The following ABCB10 variants were observed in gnomAD, a reference collection of about 807,000 sequenced individuals.
The protein encoded by ABCB10 is ATP-binding cassette sub-family B member 10, mitochondrial.
ABCB10 carries 54 observed loss-of-function variants against 65.4 expected under a neutral mutation model. The observed-to-expected ratio is 0.83, with a 90% CI of 0.66 to 1.04. ABCB10 has a LOEUF of 1.04. Among genes scored for constraint, ABCB10 ranks in the 50% least tolerant of loss-of-function variants. The pLI is 0.00. For synonymous variants in ABCB10, 418 were observed against 406.5 expected (o/e 1.03, Z -0.34); for missense variants, 846 against 976.6 (o/e 0.87, Z 1.78).
At chr1:229,519,161 T>TG (rs576672431) in intron 11 of ABCB10, 295 of 264,588 alleles carry the variant, frequency 1.1e-3, no homozygotes, top group Admixed American at 2.2e-3. Flanking sequence ...AGAGGGTCCC[T>TG]GGGGGGGTGA....
chr1:229,558,118 G>T lies in ABCB10; in HGVS notation c.517+18C>A. On this transcript the variant is annotated intron_variant, in intron 1 of 12. Transcript: ENST00000344517. Reference sequence around the variant, plus strand: ...AAGGAGAGGCCCGGCGGAGGGAAGTGGCCGGGGAGGACCCTACCTGCCAGC... The same window carrying T: ...AAGGAGAGGCCCGGCGGAGGGAAGTTGCCGGGGAGGACCCTACCTGCCAGC... The T allele has an allele frequency of 7.3e-7, 1 of 1,363,564 alleles. No individual in the cohort carries two copies. The highest frequency in any genetic ancestry group is 9.4e-7 in the Non-Finnish European group (1 of 1,059,938). The allele number at this position is 1,363,564 out of a possible 1,614,324, so 84.5% of individuals were successfully genotyped here.
chr1:229,521,562 T>TA (rs779696259), intron 11 of ABCB10, 30 bp downstream of exon 11: 3 of 1,570,568 alleles, frequency 1.9e-6, no homozygotes, highest in South Asian at 1.2e-5. Context: ...ATCCCTAATT[T>TA]AAAAAACATC....
At chr1:229,532,643 G>A (rs538151257) in intron 6 of ABCB10, among the ~76,000 whole-genome samples, 31 of 151,818 alleles carry the variant, frequency 2.0e-4, no homozygotes, top group Non-Finnish European at 4.0e-4. Flanking sequence ...CACTTTGGGA[G>A]GCCAAGGTGG....
intron 3 of ABCB10, among the ~76,000 whole-genome samples, 179 bp from the exon 4 acceptor site, chr1:229,542,550 A>C (rs991884531): frequency 1.3e-5 from 2 of 151,576 alleles, no homozygotes; most frequent in African/African-American, 4.9e-5. Context: ...GGAATTTTTC[A>C]GACATCTTTA....
chr1:229,558,142 G>GAC lies in ABCB10; in HGVS notation c.510_511insGT (p.Leu171ValfsTer42). 1 of 1,409,934 alleles carries GAC rather than the reference G, an allele frequency of 7.1e-7. No homozygotes were observed. Among genetic ancestry groups the GAC allele is most frequent in the Non-Finnish European group, 9.2e-7 (1 of 1,085,424 alleles). The allele number at this position is 1,409,934 out of a possible 1,614,324, so 87.3% of individuals were successfully genotyped here. A position where few individuals can be genotyped will look rare whatever the true frequency, so the allele number is the denominator to read the frequency against. ...TGGCCGGGGAGGACCCTACCTGCCA[G>GAC]CCTCCGGCGCTCAGGGTACGCCAGC... On this transcript the variant is annotated frameshift_variant, in exon 1 of 13. Transcript: ENST00000344517. LOFTEE classifies it high-confidence loss of function.
chr1:229,542,262 T>C lies in ABCB10; in HGVS notation c.1031A>G (p.Gln344Arg), dbSNP rs1558126090. The change falls in exon 4 of 13, where the codon CAG (glutamine) becomes CGG (arginine). Residue 344 changes from glutamine (Q) to arginine (R), a missense_variant. This residue lies in a region of ABCB10 where 632 missense variants were observed against 803.2 expected (regional missense o/e 0.79). Coordinates refer to ENST00000344517, the MANE Select transcript of ABCB10 (RefSeq NM_012089.3). ...RYLRKLTKVT[Q>R]DSLAQATQLA... ...CTGAGTGGCTTGTGCCAGGGAATCCTGAGTGACTTTGGTCAGTTTCCGTAG... is the reference window on the plus strand; with the variant it reads ...CTGAGTGGCTTGTGCCAGGGAATCCCGAGTGACTTTGGTCAGTTTCCGTAG... 2 of 1,614,084 alleles carry C rather than the reference T, an allele frequency of 1.2e-6. No individual in the cohort carries two copies. The highest frequency in any genetic ancestry group is 8.5e-7 in the Non-Finnish European group (1 of 1,180,014).
intron 3 of ABCB10, among the ~76,000 whole-genome samples, chr1:229,546,171 CAA>C (rs1236717877): frequency 4.5e-4 from 25 of 55,032 alleles, no homozygotes; most frequent in Non-Finnish European, 4.9e-4. Flanking sequence ...TACTCCGTCT[CAA>C]AAAAAAAAAA....
At chr1:229,523,043 T>C (rs1662353685) in intron 10 of ABCB10, among the ~76,000 whole-genome samples, 1 of 152,094 alleles carries the variant, frequency 6.6e-6, no homozygotes, top group Non-Finnish European at 1.5e-5. Context: ...ATGATGTTCT[T>C]TTTTTCCCCT....
rs60323914 is a variant in ABCB10, at chr1:229,550,525, CAAAAAAAA to C, written c.518-1099_518-1092del. Among the ~76,000 whole-genome samples, 390 of 63,558 alleles carry C rather than the reference CAAAAAAAA, an allele frequency of 6.1e-3. 7 individuals are homozygous for C. The highest frequency in any genetic ancestry group is 0.028 in the African/African-American group (378 of 13,458). The allele number at this position is 63,558 out of a possible 152,430, so 41.7% of individuals were successfully genotyped here. On this transcript the variant is annotated intron_variant, in intron 1 of 12. Coordinates refer to ENST00000344517, the MANE Select transcript of ABCB10 (RefSeq NM_012089.3). ...GGGTGACACAGCAATATGCTGTCTC[CAAAAAAAA>C]AAAAAAAAAAAAAAATTTTAGAAAA...
chr1:229,531,765 C>T, intron 6 of ABCB10, 34 bp from the exon 7 acceptor site: 2 of 1,571,974 alleles, frequency 1.3e-6, no homozygotes, highest in Middle Eastern at 3.3e-4. Context: ...CACACATGTC[C>T]ATCACTGGCA....
At chr1:229,526,294 CTGGCACA>C (rs546613712) in intron 9 of ABCB10, among the ~76,000 whole-genome samples, 178 bp from the exon 10 acceptor site, 238 of 152,354 alleles carry the variant, frequency 1.6e-3, no homozygotes, top group Non-Finnish European at 3.0e-3. Context: ...CGCAAGGCAC[CTGGCACA>C]TGGTAGGAAC....
Position 229,558,424 on chromosome 1 carries a change from G to T in ABCB10, c.229C>A (p.Pro77Thr). 1.7e-6 allele frequency: 2 copies of T among 1,205,648 alleles called. No homozygotes were observed. The highest frequency in any genetic ancestry group is 3.3e-5 in the South Asian group (1 of 30,520). The allele number at this position is 1,205,648 out of a possible 1,614,324, so 74.7% of individuals were successfully genotyped here. A position where few individuals can be genotyped will look rare whatever the true frequency, so the allele number is the denominator to read the frequency against. ...CCCAGGACGCCCCGCGAGGCGCCCG[G>T]ACCCCCGCCCCGGCAGCCGCTCCTC... ...RWRSGCRGGG[P>T]GASRGVLGLA... The change falls in exon 1 of 13, where the codon CCG becomes ACG. Residue 77 changes from proline to threonine, a missense_variant. Transcript: ENST00000344517.
intron 6 of ABCB10, among the ~76,000 whole-genome samples, chr1:229,533,349 C>T (rs1329076287): frequency 1.3e-5 from 2 of 152,086 alleles, no homozygotes; most frequent in Non-Finnish European, 2.9e-5. Flanking sequence ...GTCTCCAACT[C>T]CCAACCTCAA....
At chr1:229,547,922 A>T (rs953443587) in intron 2 of ABCB10, among the ~76,000 whole-genome samples, 4 of 152,144 alleles carry the variant, frequency 2.6e-5, no homozygotes, top group African/African-American at 9.7e-5. Flanking sequence ...TTCTCTTATT[A>T]ACTACAGACT....
intron 3 of ABCB10, among the ~76,000 whole-genome samples, chr1:229,544,903 C>T (rs973753649): frequency 6.6e-6 from 1 of 152,078 alleles, no homozygotes; most frequent in African/African-American, 2.4e-5. Flanking sequence ...AGCTATTTTG[C>T]TAGCACCTTG....
chr1:229,548,983 C>G (rs566577752), intron 2 of ABCB10, among the ~76,000 whole-genome samples: 1 of 152,278 alleles, frequency 6.6e-6, no homozygotes, highest in Admixed American at 6.5e-5. Flanking sequence ...TTTCAAACCT[C>G]CCATAAGACC....
intron 10 of ABCB10, among the ~76,000 whole-genome samples, chr1:229,523,072 G>C (rs551379868): frequency 6.6e-6 from 1 of 152,184 alleles, no homozygotes; most frequent in Non-Finnish European, 1.5e-5. Flanking sequence ...GGAAAAAATA[G>C]TAATATGTGT....
chr1:229,530,243 G>T lies in ABCB10; in HGVS notation c.1601C>A (p.Ser534Ter). Residue 534 changes from serine (S) to a stop codon, truncating the protein, a stop_gained, in exon 8 of 13, where the codon TCA becomes TAA. Transcript: ENST00000344517. LOFTEE classifies it high-confidence loss of function. ...CCTCAGCAGGAGTGAAAGCACTGTT[G>T]ATTTGCCAGAACCACTTGGGCCAAC... ...ALVGPSGSGK[S>*]TVLSLLLRLY... 1 of 1,614,146 alleles carries T rather than the reference G, an allele frequency of 6.2e-7. No homozygotes were observed. The highest frequency in any genetic ancestry group is 2.2e-5 in the East Asian group (1 of 44,874).
intron 6 of ABCB10, among the ~76,000 whole-genome samples, chr1:229,536,205 G>GA (rs912363373): frequency 4.0e-5 from 6 of 150,852 alleles, no homozygotes; most frequent in Non-Finnish European, 8.9e-5. Context: ...AAAGAAAGAA[G>GA]AAAAAAAAAG....
Sources: gnomAD v4.1 joint callset for allele counts (sites outside exome capture counted in the v4.1 genomes callset) on GRCh38, gnomAD v4.1.1 for gene constraint, gnomAD v4.1.1 regional missense constraint, MANE v1.5 for transcripts, NCBI Gene and HGNC (gene_info 2026-07-23, HGNC 2026-07-21) for gene names.